GOLIM4: variants seen among roughly 807,000 people sequenced by gnomAD.
GOLIM4 encodes 130 kDa golgi-localized phosphoprotein.
A neutral mutation model predicts 107.4 loss-of-function variants in GOLIM4; 71 were observed. That is an observed-to-expected ratio of 0.66 (90% CI 0.55 to 0.81). The LOEUF (loss-of-function observed/expected upper bound fraction) is 0.81, where lower values mean the gene tolerates loss of function less well. Among genes scored for constraint, GOLIM4 ranks in the 30% least tolerant of loss-of-function variants. The probability of loss-of-function intolerance (pLI) is 0.00; values close to 1 mark genes in which losing one functional copy is unlikely to be tolerated. For synonymous variants in GOLIM4, 327 were observed against 294.8 expected (o/e 1.11, Z -1.12); for missense variants, 830 against 826.1 (o/e 1.00, Z -0.06).
chr3:168,013,093 G>C (rs1161806696), intron 14 of GOLIM4, among the ~76,000 whole-genome samples: 8 of 151,316 alleles, frequency 5.3e-5, no homozygotes, highest in Non-Finnish European at 1.0e-4. Context: ...ACACAGACTG[G>C]CAAATTGGAT....
At chr3:168,044,760 C>A in intron 4 of GOLIM4, 68 bp downstream of exon 4, 1 of 849,438 alleles carries the variant, frequency 1.2e-6, no homozygotes, top group Non-Finnish European at 1.9e-6. Context: ...ACTTTAAAGG[C>A]CATTAGTCAG....
chr3:168,028,655 C>A (rs899546783), intron 11 of GOLIM4, among the ~76,000 whole-genome samples: 2 of 152,172 alleles, frequency 1.3e-5, no homozygotes, highest in African/African-American at 4.8e-5. Flanking sequence ...AAAACAATTT[C>A]TTGACTGTAA....
At chr3:168,069,168 A>T (rs1040075121) in intron 1 of GOLIM4, among the ~76,000 whole-genome samples, 1 of 152,086 alleles carries the variant, frequency 6.6e-6, no homozygotes, top group Non-Finnish European at 1.5e-5. Flanking sequence ...CTATTTTTTT[A>T]AGTTTATATC....
chr3:168,068,729 AAATAAAG>A (rs1316204802), intron 1 of GOLIM4, among the ~76,000 whole-genome samples: 1 of 152,062 alleles, frequency 6.6e-6, no homozygotes, highest in Non-Finnish European at 1.5e-5. Context: ...TTGATTCTGT[AAATAAAG>A]AATAAACACT....
chr3:168,077,971 A>ATATTTATT (rs1175431434), intron 1 of GOLIM4, among the ~76,000 whole-genome samples: 1 of 151,866 alleles, frequency 6.6e-6, no homozygotes, highest in African/African-American at 2.4e-5. Context: ...TACTCTAGAT[A>ATATTTATT]TATTTATTTA....
At chr3:168,012,230 T>C (rs1479114782) in intron 14 of GOLIM4, among the ~76,000 whole-genome samples, 1 of 131,992 alleles carries the variant, frequency 7.6e-6, no homozygotes, top group Admixed American at 7.0e-5. Context: ...GCTCGAGAAC[T>C]ACATGAAGAA....
At chr3:168,080,842 C>G (rs1721325581) in intron 1 of GOLIM4, among the ~76,000 whole-genome samples, 1 of 152,130 alleles carries the variant, frequency 6.6e-6, no homozygotes, top group Non-Finnish European at 1.5e-5. Context: ...TTTTTCAAAG[C>G]ACTGTGTGGG....
At chr3:168,057,391 A>G (rs1720037851) in intron 1 of GOLIM4, among the ~76,000 whole-genome samples, 1 of 152,188 alleles carries the variant, frequency 6.6e-6, no homozygotes, top group African/African-American at 2.4e-5. Context: ...ACTACCTGAG[A>G]CTGGGTAACT....
Position 168,081,749 on chromosome 3 carries a change from A to G in GOLIM4, c.187+13350T>C, listed in dbSNP as rs150080114. On this transcript the variant is annotated intron_variant, in intron 1 of 15. Coordinates refer to ENST00000470487, the MANE Select transcript of GOLIM4 (RefSeq NM_014498.5). ...ACAGGGTTGTTTTCAGCATCAAATA[A>G]TATCATGAATACAAGGCAATTCAGA... Among the ~76,000 whole-genome samples the G allele has an allele frequency of 6.5e-4, 99 of 152,314 alleles. No individual in the cohort carries two copies. In the East Asian group the frequency reaches 0.019, roughly 28 times the overall value.
intron 14 of GOLIM4, among the ~76,000 whole-genome samples, chr3:168,017,761 A>G (rs1717454894): frequency 6.6e-6 from 1 of 152,256 alleles, no homozygotes. Context: ...TAAGATATCT[A>G]GAAAATAAAA....
At chr3:168,035,230 A>G (rs1313921950) in intron 8 of GOLIM4, among the ~76,000 whole-genome samples, 1 of 152,190 alleles carries the variant, frequency 6.6e-6, no homozygotes, top group Non-Finnish European at 1.5e-5. Flanking sequence ...TTCAACCATC[A>G]TGAAAGACAG....
In GOLIM4 at chr3:168,027,835, A is replaced by C. The variant is rs773515688; in HGVS notation, c.1516T>G (p.Tyr506Asp). 1.3e-6 allele frequency: 2 copies of C among 1,593,644 alleles called. No individual in the cohort carries two copies. The highest frequency in any genetic ancestry group is 1.7e-6 in the Non-Finnish European group (2 of 1,161,816). Residue 506 changes from tyrosine to aspartate, a missense_variant and splice_region_variant, in exon 12 of 16, where the codon TAT (tyrosine) becomes GAT (aspartate). By Grantham distance (160) the Tyr-to-Asp change is radical. Transcript: ENST00000470487. Reference protein sequence around the residue: ...DQGIQGEEGAYERDNQHQDEA... With the variant: ...DQGIQGEEGADERDNQHQDEA... The stretch of plus-strand genomic sequence containing the variant: ...TCTTGGTGCTGGTTGTCTCTTTCAT[A>C]GGCTAGCAAATCAAAGGAACTAAAA...
chr3:168,078,435 C>T (rs543841408), intron 1 of GOLIM4, among the ~76,000 whole-genome samples: 1 of 152,122 alleles, frequency 6.6e-6, no homozygotes, highest in African/African-American at 2.4e-5. Flanking sequence ...TAATAAATTG[C>T]TGAATATGAG....
intron 9 of GOLIM4, among the ~76,000 whole-genome samples, chr3:168,030,952 A>G (rs1042327550): frequency 1.3e-5 from 2 of 152,242 alleles, no homozygotes; most frequent in African/African-American, 4.8e-5. Context: ...TAAAACATGA[A>G]ATCAACCTAA....
At chr3:168,047,149 C>T in intron 2 of GOLIM4, 150 bp from the exon 3 acceptor site, 1 of 463,266 alleles carries the variant, frequency 2.2e-6, no homozygotes, top group Non-Finnish European at 3.9e-6. Context: ...TATTTTGGCT[C>T]TCATTGCTTT....
intron 14 of GOLIM4, among the ~76,000 whole-genome samples, chr3:168,020,866 A>G (rs557653965): frequency 6.6e-6 from 1 of 152,360 alleles, no homozygotes; most frequent in Admixed American, 6.5e-5. Flanking sequence ...ACAAAATGAT[A>G]TGGAGGTTCT....
intron 8 of GOLIM4, among the ~76,000 whole-genome samples, chr3:168,033,060 A>C (rs1718427679): frequency 6.6e-6 from 1 of 152,170 alleles, no homozygotes; most frequent in Non-Finnish European, 1.5e-5. Flanking sequence ...TATAAGCAAA[A>C]CTTCATCTGT....
rs1720025235 is a variant in GOLIM4, at chr3:168,057,200, C to G, written c.188-8835G>C. On this transcript the variant is annotated intron_variant, in intron 1 of 15. Transcript: ENST00000470487. ...CTGCCATGTGAGACATGCCTTTCAC[C>G]TTCCACCATGATTGTGAGGACTTCC... Among the ~76,000 whole-genome samples, 2 of 152,206 alleles carry G rather than the reference C, an allele frequency of 1.3e-5. 1 individual carries two copies. Among genetic ancestry groups the G allele is most frequent in the African/African-American group, 4.8e-5 (2 of 41,450 alleles).
intron 14 of GOLIM4, among the ~76,000 whole-genome samples, chr3:168,021,388 A>G (rs1018469927): frequency 2.0e-5 from 3 of 152,166 alleles, no homozygotes; most frequent in African/African-American, 7.2e-5. Flanking sequence ...CTTCTTGGCC[A>G]GGCATGGTGG....
Sources: allele counts gnomAD v4.1 joint callset (sites outside exome capture counted in the v4.1 genomes callset), GRCh38; gene constraint gnomAD v4.1.1; transcripts MANE v1.5; gene names NCBI Gene and HGNC (gene_info 2026-07-23, HGNC 2026-07-21).